Variants in WDTC1 observed in about 807,000 individuals in gnomAD.
WDTC1 encodes the protein WD and tetratricopeptide repeats protein 1.
A neutral mutation model predicts 76.0 loss-of-function variants in WDTC1; 12 were observed. The ratio of observed to expected loss-of-function variants is 0.16; its 90% CI spans 0.10 to 0.26. The LOEUF is 0.26. Among genes scored for constraint, WDTC1 ranks in the 10% least tolerant of loss-of-function variants. WDTC1 has a pLI of 1.00. For synonymous variants in WDTC1, 326 were observed against 350.8 expected, an observed-to-expected ratio of 0.93 and a Z score of 0.79; for missense variants, 511 against 908.8, an observed-to-expected ratio of 0.56 and a Z score of 5.63.
At chr1:27,252,754 C>T (rs2012119523) in intron 1 of WDTC1, among the ~76,000 whole-genome samples, 1 of 151,574 alleles carries the variant, frequency 6.6e-6, no homozygotes, top group African/African-American at 2.4e-5. Flanking sequence ...GCTGAGATCG[C>T]ACCACTGCAC....
At chr1:27,298,161 G>C (rs987408250) in intron 12 of WDTC1, 50 bp downstream of exon 12, 1 of 1,507,492 alleles carries the variant, frequency 6.6e-7, no homozygotes, top group Non-Finnish European at 8.9e-7. Flanking sequence ...GGAGAAAGCA[G>C]CTGGACCAAA....
intron 5 of WDTC1, 129 bp downstream of exon 5, chr1:27,283,578 C>T (rs10902656): frequency 0.79 from 555,220 of 705,960 alleles, 220,641 homozygotes; most frequent in East Asian, 0.86. Flanking sequence ...ACCTTATGAT[C>T]TAAGTATCTG....
intron 5 of WDTC1, among the ~76,000 whole-genome samples, chr1:27,285,622 CTTT>C (rs1267668594): frequency 6.9e-6 from 1 of 144,358 alleles, no homozygotes. Context: ...TGTTTCTTTT[CTTT>C]TTTTTTTTTT....
At chr1:27,265,873 G>A (rs192957779) in intron 3 of WDTC1, among the ~76,000 whole-genome samples, 8 of 152,144 alleles carry the variant, frequency 5.3e-5, no homozygotes, top group East Asian at 1.9e-4. Flanking sequence ...CTTGAACCCC[G>A]GAGGTGGAGG....
intron 3 of WDTC1, among the ~76,000 whole-genome samples, chr1:27,266,222 C>G (rs1219376679): frequency 6.6e-6 from 1 of 152,076 alleles, no homozygotes; most frequent in Non-Finnish European, 1.5e-5. Flanking sequence ...CTTCCTCTAC[C>G]CACTGAAGAC....
intron 3 of WDTC1, among the ~76,000 whole-genome samples, chr1:27,273,888 TATTTA>T (rs941596099): frequency 2.6e-5 from 4 of 152,004 alleles, no homozygotes; most frequent in Non-Finnish European, 5.9e-5. Flanking sequence ...GGAAAAAGAT[TATTTA>T]ATTTATCAAT....
rs2012976054 is a variant in WDTC1, at chr1:27,274,869, T to G, written c.133-7370T>G. On this transcript the variant is annotated intron_variant, in intron 3 of 15. Coordinates refer to ENST00000319394, the MANE Select transcript of WDTC1 (RefSeq NM_001276252.2). This position sits in a 1 kb window ranked among gnomAD's most constrained non-coding sequence, Gnocchi z 4.2. ...TATTTCATTCACTTGTGGGATTTCT[T>G]GGCACCGTATTAGACACATGGTAGA... Among the ~76,000 whole-genome samples, 1 of 152,206 alleles carries G rather than the reference T, an allele frequency of 6.6e-6. No homozygotes were observed. Among genetic ancestry groups the G allele is most frequent in the African/African-American group, 2.4e-5 (1 of 41,464 alleles).
At chr1:27,295,700 C>T (rs1484178183) in intron 9 of WDTC1, among the ~76,000 whole-genome samples, 1 of 152,070 alleles carries the variant, frequency 6.6e-6, no homozygotes, top group Non-Finnish European at 1.5e-5. Context: ...GGTGATCCGC[C>T]CACCTCACCC....
At chr1:27,256,104 T>C (rs1262247644) in intron 1 of WDTC1, among the ~76,000 whole-genome samples, 3 of 152,206 alleles carry the variant, frequency 2.0e-5, no homozygotes, top group Non-Finnish European at 4.4e-5. Context: ...CATAGAGTCA[T>C]GCTTGAAGAA....
chr1:27,295,458 GTT>G (rs1052019497), intron 9 of WDTC1, among the ~76,000 whole-genome samples: 2 of 142,688 alleles, frequency 1.4e-5, no homozygotes, highest in Admixed American at 7.0e-5. Context: ...CGTGTTTTTT[GTT>G]TTTTTTTTTT....
intron 1 of WDTC1, among the ~76,000 whole-genome samples, chr1:27,249,519 T>G (rs2011964788): frequency 6.6e-6 from 1 of 152,226 alleles, no homozygotes; most frequent in Admixed American, 6.5e-5. Context: ...ATACCACATT[T>G]TGTTTATCTA....
intron 3 of WDTC1, among the ~76,000 whole-genome samples, chr1:27,267,190 G>A (rs2012702774): frequency 6.6e-6 from 1 of 151,476 alleles, no homozygotes; most frequent in Non-Finnish European, 1.5e-5. Flanking sequence ...TATGTTGATA[G>A]AATTTATACC....
intron 1 of WDTC1, among the ~76,000 whole-genome samples, chr1:27,245,981 GTCA>G (rs2011816958): frequency 6.6e-6 from 1 of 152,130 alleles, no homozygotes. Flanking sequence ...TCAGCATAGT[GTCA>G]TCGGAAGGGG....
At chr1:27,285,129 T>C (rs1244665647) in intron 5 of WDTC1, among the ~76,000 whole-genome samples, 2 of 150,570 alleles carry the variant, frequency 1.3e-5, no homozygotes, top group African/African-American at 4.9e-5. Context: ...CCTCCGCCTC[T>C]GGGTTCAAGC....
chr1:27,296,253 A>G, intron 9 of WDTC1, 73 bp from the exon 10 acceptor site: 1 of 1,568,894 alleles, frequency 6.4e-7, no homozygotes, highest in Non-Finnish European at 8.8e-7. Flanking sequence ...TGAGAAACCA[A>G]GACCTGCTTA....
chr1:27,234,648 C>A lies in WDTC1; in HGVS notation c.-403C>A. On this transcript the variant is annotated 5_prime_UTR_variant, in exon 1 of 16. Coordinates refer to ENST00000319394, the MANE Select transcript of WDTC1 (RefSeq NM_001276252.2). ...CGCGTTGCTGGGCTTCTCCTGGGTC[C>A]CCAGACAGCTGGAGGAGATAAACAG... is the stretch of plus-strand genomic sequence containing the variant. 5 of 395,758 alleles carry A rather than the reference C, an allele frequency of 1.3e-5. No homozygotes were observed. The highest frequency in any genetic ancestry group is 2.2e-5 in the Non-Finnish European group (5 of 224,514). The allele number at this position is 395,758 out of a possible 1,614,324, so 24.5% of individuals were successfully genotyped here. A position where few individuals can be genotyped will look rare whatever the true frequency, so the allele number is the denominator to read the frequency against.
At chr1:27,293,057 CCTT>C (rs1036066614) in intron 7 of WDTC1, among the ~76,000 whole-genome samples, 5 of 151,420 alleles carry the variant, frequency 3.3e-5, no homozygotes, top group African/African-American at 1.2e-4. Flanking sequence ...CAGCCTGGCC[CCTT>C]CTTCTTTATG....
At chr1:27,266,600 A>G (rs2012682638) in intron 3 of WDTC1, among the ~76,000 whole-genome samples, 1 of 152,214 alleles carries the variant, frequency 6.6e-6, no homozygotes, top group African/African-American at 2.4e-5. Flanking sequence ...ATTTATGGAA[A>G]GCTCTTAAAG....
chr1:27,298,380 T>C (rs2013746311), intron 12 of WDTC1, among the ~76,000 whole-genome samples: 1 of 152,170 alleles, frequency 6.6e-6, no homozygotes, highest in Non-Finnish European at 1.5e-5. Context: ...CATGGCATAT[T>C]ATTATAAAGT....
Sources: allele counts gnomAD v4.1 joint callset (sites outside exome capture counted in the v4.1 genomes callset), GRCh38; gene constraint gnomAD v4.1.1; non-coding constraint Gnocchi (gnomAD v3.1); transcripts MANE v1.5; gene names NCBI Gene and HGNC (gene_info 2026-07-23, HGNC 2026-07-21).